KCNK2: variants seen among roughly 807,000 people sequenced by gnomAD.
KCNK2 encodes potassium channel subfamily K member 2.
KCNK2 carries 21 observed loss-of-function variants against 40.5 expected under a neutral mutation model. That is an observed-to-expected ratio of 0.52 (90% CI 0.37 to 0.75). The LOEUF (loss-of-function observed/expected upper bound fraction) is 0.75, where lower values mean the gene tolerates loss of function less well. KCNK2 is among the 30% of genes least tolerant of loss of function. KCNK2 has a pLI of 0.00. For synonymous variants in KCNK2, 191 were observed against 202.2 expected, an observed-to-expected ratio of 0.94 and a Z score of 0.47; for missense variants, 399 against 531.6, an observed-to-expected ratio of 0.75 and a Z score of 2.45.
At chr1:215,177,507 A>C (rs938296261) in intron 5 of KCNK2, among the ~76,000 whole-genome samples, 1 of 151,798 alleles carries the variant, frequency 6.6e-6, no homozygotes, top group Admixed American at 6.6e-5. Context: ...TTAAATATTT[A>C]ATCCATCTTG....
At chr1:215,012,996 TA>T (rs1656460533) in intron 1 of KCNK2, among the ~76,000 whole-genome samples, 1 of 152,220 alleles carries the variant, frequency 6.6e-6, no homozygotes, top group African/African-American at 2.4e-5. Context: ...TTTTTCAGAA[TA>T]TTTGTACTTT....
intron 1 of KCNK2, among the ~76,000 whole-genome samples, chr1:215,028,376 A>C (rs1175578068): frequency 1.3e-5 from 2 of 152,112 alleles, no homozygotes; most frequent in African/African-American, 2.4e-5. Flanking sequence ...CAAGGGCAAA[A>C]CTCCATCTCA....
chr1:215,058,031 C>T (rs977516386), intron 1 of KCNK2, among the ~76,000 whole-genome samples: 41 of 152,056 alleles, frequency 2.7e-4, no homozygotes, highest in Non-Finnish European at 5.4e-4. Context: ...GATGGAGAAG[C>T]AGCCCCAGGA....
At chr1:215,085,356 G>A (rs993233704) in intron 1 of KCNK2, among the ~76,000 whole-genome samples, 6 of 152,026 alleles carry the variant, frequency 3.9e-5, no homozygotes, top group African/African-American at 1.5e-4. Context: ...AAAATGTCCT[G>A]TAGTAGGTGT....
chr1:215,221,593 T>A (rs564398734), intron 6 of KCNK2, among the ~76,000 whole-genome samples: 1 of 152,182 alleles, frequency 6.6e-6, no homozygotes, highest in East Asian at 1.9e-4. Flanking sequence ...TGAACCATCA[T>A]AACGGCCTTC....
chr1:215,047,814 A>G (rs1272602425), intron 1 of KCNK2, among the ~76,000 whole-genome samples: 1 of 152,210 alleles, frequency 6.6e-6, no homozygotes, highest in African/African-American at 2.4e-5. Context: ...ATATTTCAAT[A>G]CAGATATATT....
At chr1:215,098,484 G>A (rs1660076079) in intron 2 of KCNK2, among the ~76,000 whole-genome samples, 1 of 151,788 alleles carries the variant, frequency 6.6e-6, no homozygotes, top group Admixed American at 6.6e-5. Flanking sequence ...CCTGGATTGT[G>A]AGATTTTAAA....
intron 1 of KCNK2, among the ~76,000 whole-genome samples, chr1:215,047,864 C>G (rs546265815): frequency 6.6e-6 from 1 of 152,230 alleles, no homozygotes; most frequent in Non-Finnish European, 1.5e-5. Flanking sequence ...GCGGTTAGAT[C>G]TGTATCAAGG....
intron 1 of KCNK2, among the ~76,000 whole-genome samples, chr1:215,029,107 A>G (rs1657096272): frequency 1.3e-5 from 2 of 152,064 alleles, no homozygotes; most frequent in Admixed American, 1.3e-4. Context: ...GTTTTTTTAA[A>G]ATTGACAAAC....
chr1:215,127,025 A>G (rs1661467828), intron 3 of KCNK2, among the ~76,000 whole-genome samples: 2 of 152,218 alleles, frequency 1.3e-5, no homozygotes, highest in African/African-American at 2.4e-5. Context: ...TCAAAGTATA[A>G]TTAATAATAT....
intron 1 of KCNK2, among the ~76,000 whole-genome samples, chr1:215,016,056 C>G (rs1398991887): frequency 6.6e-6 from 1 of 152,148 alleles, no homozygotes; most frequent in African/African-American, 2.4e-5. Context: ...ATAATCAAAA[C>G]TTACTGAATA....
chr1:215,198,350 T>G (rs1055562601), intron 6 of KCNK2, among the ~76,000 whole-genome samples: 1 of 152,134 alleles, frequency 6.6e-6, no homozygotes, highest in African/African-American at 2.4e-5. Context: ...ATATGTGTAT[T>G]TTCTGATTTA....
At chr1:215,148,080 CTTTTT>C (rs756218432) in intron 3 of KCNK2, among the ~76,000 whole-genome samples, 1 of 111,180 alleles carries the variant, frequency 9.0e-6, no homozygotes, top group Non-Finnish European at 1.7e-5. Context: ...TTTTCTTTTC[CTTTTT>C]TTTTTTTTTT....
rs573997020 is a variant in KCNK2, at chr1:215,208,604, G to A, written c.963+13512G>A. Among the ~76,000 whole-genome samples the A allele has an allele frequency of 9.2e-5, 14 of 152,190 alleles. No individual in the cohort carries two copies. The South Asian group carries it at 2.5e-3, about 27-fold the overall frequency. ...AGTTTTGCTATTTTCATAAGCTCCC[G>A]ACATCAGCAAGCCCTTGAGTATCTT... On this transcript the variant is annotated intron_variant, in intron 6 of 6. Transcript: ENST00000444842.
intron 5 of KCNK2, among the ~76,000 whole-genome samples, chr1:215,193,227 T>C (rs1344991059): frequency 1.3e-5 from 2 of 152,194 alleles, no homozygotes; most frequent in Non-Finnish European, 2.9e-5. Flanking sequence ...TATTTTATAC[T>C]TGATCTTTGA....
chr1:215,039,255 A>G (rs1015283469), intron 1 of KCNK2, among the ~76,000 whole-genome samples: 27 of 152,280 alleles, frequency 1.8e-4, no homozygotes, highest in African/African-American at 6.5e-4. Context: ...TTGACCTAAA[A>G]AAAATTACTC....
chr1:215,112,727 A>T (rs1660747604), intron 2 of KCNK2, among the ~76,000 whole-genome samples: 1 of 152,180 alleles, frequency 6.6e-6, no homozygotes, highest in African/African-American at 2.4e-5. Flanking sequence ...GCTTAGATAC[A>T]CAAATACCAT....
chr1:215,227,501 G>T (rs1666431549), intron 6 of KCNK2, among the ~76,000 whole-genome samples: 1 of 152,192 alleles, frequency 6.6e-6, no homozygotes. Context: ...ATGGTAATTA[G>T]AATTGAGGCT....
intron 2 of KCNK2, among the ~76,000 whole-genome samples, chr1:215,112,275 C>T (rs2885815): frequency 0.76 from 114,869 of 151,444 alleles, 43,924 homozygotes; most frequent in African/African-American, 0.78. Flanking sequence ...ATTGACAATC[C>T]TGACCTTGTG....
Sources: gnomAD v4.1 joint callset for allele counts (sites outside exome capture counted in the v4.1 genomes callset) on GRCh38, gnomAD v4.1.1 for gene constraint, MANE v1.5 for transcripts, NCBI Gene and HGNC (gene_info 2026-07-23, HGNC 2026-07-21) for gene names.